The following PPM1D variants were observed in gnomAD, a reference collection of about 807,000 sequenced individuals.
PPM1D encodes protein phosphatase, Mg2+/Mn2+ dependent 1D.
Under a neutral mutation model 58.3 loss-of-function variants are expected in PPM1D, and 52 were observed. That is an observed-to-expected ratio of 0.89 (90% CI 0.71 to 1.12). The LOEUF (loss-of-function observed/expected upper bound fraction) is 1.12, where lower values mean the gene tolerates loss of function less well. PPM1D is among the 50% of genes most tolerant of loss of function. The pLI is 0.00. For synonymous variants in PPM1D, 278 were observed against 285.1 expected (o/e 0.98, Z 0.25); for missense variants, 564 against 777.2 (o/e 0.73, Z 3.26).
chr17:60,643,970 C>T (rs1000478466), intron 3 of PPM1D, among the ~76,000 whole-genome samples: 1 of 142,312 alleles, frequency 7.0e-6, no homozygotes, highest in South Asian at 2.2e-4. Flanking sequence ...CTGCTATGTC[C>T]GCTTTCTGGG....
intron 1 of PPM1D, among the ~76,000 whole-genome samples, chr17:60,615,984 C>A (rs2030575182): frequency 6.6e-6 from 1 of 151,982 alleles, no homozygotes; most frequent in African/African-American, 2.4e-5. Flanking sequence ...AGTGACTGCA[C>A]CCAGCTATGT....
At chr17:60,615,872 G>C (rs2030572579) in intron 1 of PPM1D, among the ~76,000 whole-genome samples, 1 of 151,938 alleles carries the variant, frequency 6.6e-6, no homozygotes, top group Admixed American at 6.6e-5. Context: ...CTGGAGTATA[G>C]TAGCTATTCA....
Position 60,661,227 on chromosome 17 carries a change from A to T in PPM1D, c.1261-1768A>T, listed in dbSNP as rs915320151. 5.9e-5 allele frequency among the ~76,000 whole-genome samples: 9 copies of T among 151,938 alleles called. 1 individual carries two copies. Among genetic ancestry groups the T allele is most frequent in the Admixed American group, 5.9e-4 (9 of 15,228 alleles). On this transcript the variant is annotated intron_variant, in intron 5 of 5. Transcript: ENST00000305921. ...AGAGCGAAACTCCATCTCAAAAAAAAAAAAAAAAAAAAAGGAAAGGTGTTT... is the reference window on the plus strand; with the variant it reads ...AGAGCGAAACTCCATCTCAAAAAAATAAAAAAAAAAAAAGGAAAGGTGTTT...
At chr17:60,643,712 A>C (rs2031180746) in intron 3 of PPM1D, among the ~76,000 whole-genome samples, 1 of 152,082 alleles carries the variant, frequency 6.6e-6, no homozygotes, top group African/African-American at 2.4e-5. Flanking sequence ...ACTGACTGAC[A>C]CACTGTCTCT....
At chr17:60,620,198 C>T (rs1039865060) in intron 1 of PPM1D, among the ~76,000 whole-genome samples, 10 of 152,008 alleles carry the variant, frequency 6.6e-5, no homozygotes, top group South Asian at 2.1e-4. Context: ...GGGGTTTCAC[C>T]GTGTTAGCCA....
chr17:60,635,575 A>C (rs902359954), intron 3 of PPM1D, among the ~76,000 whole-genome samples: 1 of 152,176 alleles, frequency 6.6e-6, no homozygotes, highest in African/African-American at 2.4e-5. Flanking sequence ...GTTACTTACC[A>C]ACTGTTTTTG....
At chr17:60,610,706 T>C (rs1274975728) in intron 1 of PPM1D, among the ~76,000 whole-genome samples, 1 of 152,220 alleles carries the variant, frequency 6.6e-6, no homozygotes, top group East Asian at 1.9e-4. Flanking sequence ...TGAATAGTTG[T>C]GACAGATACC....
At chr17:60,661,219 CAAAAAAAAAA>C (rs373913706) in intron 5 of PPM1D, among the ~76,000 whole-genome samples, 1 of 48,960 alleles carries the variant, frequency 2.0e-5, no homozygotes, top group Non-Finnish European at 4.8e-5. Flanking sequence ...AACTCCATCT[CAAAAAAAAAA>C]AAAAAAAAAA....
chr17:60,603,485 G>A (rs1387206335), intron 1 of PPM1D, among the ~76,000 whole-genome samples: 1 of 152,180 alleles, frequency 6.6e-6, no homozygotes, highest in Non-Finnish European at 1.5e-5. Flanking sequence ...GAGGACAGCT[G>A]AATGGCCGGG....
In PPM1D at chr17:60,663,662, A is replaced by G. The variant is rs549988197; in HGVS notation, c.*110A>G. Reference sequence around the variant, plus strand: ...GGGGAGAAAATTAAAAGAAATATACAGTTTGACTTTTTGGAATTCAGCAGT... The same window carrying G: ...GGGGAGAAAATTAAAAGAAATATACGGTTTGACTTTTTGGAATTCAGCAGT... On this transcript the variant is annotated 3_prime_UTR_variant, in exon 6 of 6. Coordinates refer to ENST00000305921, the MANE Select transcript of PPM1D (RefSeq NM_003620.4). 177 of 1,199,780 alleles carry G rather than the reference A, an allele frequency of 1.5e-4. No homozygotes were observed. Among genetic ancestry groups the G allele is most frequent in the Non-Finnish European group, 3.4e-5 (30 of 880,474 alleles). The allele number at this position is 1,199,780 out of a possible 1,614,324, so 74.3% of individuals were successfully genotyped here.
intron 3 of PPM1D, among the ~76,000 whole-genome samples, chr17:60,646,625 A>C (rs1038199935): frequency 6.6e-6 from 1 of 152,212 alleles, no homozygotes; most frequent in Non-Finnish European, 1.5e-5. Context: ...GTTGTCTTAT[A>C]TATTACAGAA....
intron 3 of PPM1D, among the ~76,000 whole-genome samples, chr17:60,635,612 A>G (rs2031009074): frequency 6.6e-6 from 1 of 152,162 alleles, no homozygotes; most frequent in Non-Finnish European, 1.5e-5. Context: ...CAAGATGATA[A>G]TATTTCTACA....
intron 2 of PPM1D, among the ~76,000 whole-genome samples, chr17:60,627,253 CTGTT>C (rs1200529416): frequency 6.6e-5 from 10 of 152,052 alleles, no homozygotes; most frequent in Non-Finnish European, 1.3e-4. Context: ...CTTAGAAACT[CTGTT>C]TGTTCATTGT....
At chr17:60,603,862 A>G (rs927640015) in intron 1 of PPM1D, among the ~76,000 whole-genome samples, 1 of 152,246 alleles carries the variant, frequency 6.6e-6, no homozygotes, top group Non-Finnish European at 1.5e-5. Flanking sequence ...CCCCACATGC[A>G]TATGTAGTAG....
chr17:60,656,134 T>C (rs2031434490), intron 4 of PPM1D, among the ~76,000 whole-genome samples: 1 of 152,102 alleles, frequency 6.6e-6, no homozygotes. Context: ...TTAACATGGC[T>C]AAGGAGACTG....
At chr17:60,629,698 A>G (rs2030879552) in intron 2 of PPM1D, among the ~76,000 whole-genome samples, 1 of 152,166 alleles carries the variant, frequency 6.6e-6, no homozygotes, top group Admixed American at 6.6e-5. Context: ...ATAATTTTAA[A>G]TATTGGTAGG....
chr17:60,648,672 G>A (rs1368715964), intron 4 of PPM1D, among the ~76,000 whole-genome samples: 5 of 151,556 alleles, frequency 3.3e-5, no homozygotes, highest in South Asian at 2.1e-4. Flanking sequence ...GAGCCACTGC[G>A]CCCGGCCAAA....
intron 1 of PPM1D, among the ~76,000 whole-genome samples, chr17:60,613,909 C>A (rs1438637699): frequency 6.8e-6 from 1 of 146,016 alleles, no homozygotes; most frequent in African/African-American, 2.5e-5. Flanking sequence ...CCGCCACCCC[C>A]CCGCCTCACA....
intron 1 of PPM1D, among the ~76,000 whole-genome samples, chr17:60,609,642 G>C (rs1400604661): frequency 1.3e-5 from 2 of 152,120 alleles, no homozygotes; most frequent in Admixed American, 1.3e-4. Flanking sequence ...TATCTACGCT[G>C]TATATGCTAC....
Sources: allele counts gnomAD v4.1 joint callset (sites outside exome capture counted in the v4.1 genomes callset), GRCh38; gene constraint gnomAD v4.1.1; transcripts MANE v1.5; gene names NCBI Gene and HGNC (gene_info 2026-07-23, HGNC 2026-07-21).